The following PCDHGA1 variants were observed in gnomAD, a reference collection of about 807,000 sequenced individuals.
The protein encoded by PCDHGA1 is protocadherin gamma subfamily A, 1, also known as protocadherin gamma-A1.
PCDHGA1 carries 32 observed loss-of-function variants against 58.0 expected under a neutral mutation model. The ratio of observed to expected loss-of-function variants is 0.55; its 90% CI spans 0.42 to 0.74. PCDHGA1 has a LOEUF of 0.74. Among genes scored for constraint, PCDHGA1 ranks in the 30% least tolerant of loss-of-function variants. The pLI, the probability that PCDHGA1 is intolerant of heterozygous loss-of-function variation, is 0.00. For synonymous variants in PCDHGA1, 498 were observed against 501.1 expected (o/e 0.99, Z 0.08); for missense variants, 1,205 against 1,182.3 (o/e 1.02, Z -0.28).
intron 1 of PCDHGA1, chr5:141,388,988 A>G (rs756635794): frequency 6.2e-7 from 1 of 1,614,076 alleles, no homozygotes; most frequent in Non-Finnish European, 8.5e-7. Flanking sequence ...CTTTGCTCAA[A>G]GTCCGTGACA....
rs749995138 is a variant in PCDHGA1 at position 141,408,745 on chromosome 5, G to A, written c.2421+75640G>A. The A allele has an allele frequency of 3.7e-6, 6 of 1,609,862 alleles. No homozygotes were observed. In the African/African-American group the frequency reaches 4.0e-5, roughly 11 times the overall value. ...ACTCTAATCCTTATTTTTCATTAAT[G>A]GTTAGAGTTAATTCCGATGGTGGCA... On this transcript the variant is annotated intron_variant, in intron 1 of 3. Transcript: ENST00000517417.
rs1169303027 is a variant in PCDHGA1, at chr5:141,333,095, C to G, written c.2411C>G (p.Pro804Arg). The G allele has an allele frequency of 6.2e-7, 1 of 1,614,190 alleles. No individual in the cohort carries two copies. Among genetic ancestry groups the G allele is most frequent in the Admixed American group, 1.7e-5 (1 of 60,030 alleles). The change falls in exon 1 of 4, where the codon CCA becomes CGA. Residue 804 changes from proline (P) to arginine (R), a missense_variant. By Grantham distance (103) the Pro-to-Arg change is moderately radical (BLOSUM62 -2). Transcript: ENST00000517417. Reference sequence around the variant, plus strand: ...TCTTTACTTGAAGACAAAAAGGAACCATTTTCTCAGGTAAACTTTTGTGAT... The same window carrying G: ...TCTTTACTTGAAGACAAAAAGGAACGATTTTCTCAGGTAAACTTTTGTGAT... ...PQSLLEDKKE[P>R]FSQQAPPNTD... is the part of the protein sequence containing the mutation.
At chr5:141,419,152 G>A (rs2096335735) in intron 1 of PCDHGA1, 25 of 1,613,916 alleles carry the variant, frequency 1.5e-5, no homozygotes, top group East Asian at 4.5e-5. Context: ...GCAAGCCTCC[G>A]TTATCCTCCA....
chr5:141,421,524 G>A (rs375937711), intron 1 of PCDHGA1: 25 of 1,613,940 alleles, frequency 1.5e-5, no homozygotes, highest in Admixed American at 5.0e-5. Context: ...TCTGTGAGAC[G>A]GTGTCCTCCT....
intron 1 of PCDHGA1, chr5:141,418,363 C>T (rs147423305): frequency 4.4e-4 from 703 of 1,613,984 alleles, no homozygotes; most frequent in Non-Finnish European, 5.5e-4. Flanking sequence ...ATTCGCTGAG[C>T]AAATACCAAC....
chr5:141,375,963 G>T lies in PCDHGA1; in HGVS notation c.2421+42858G>T, dbSNP rs371650654. 16 of 1,613,262 alleles carry T rather than the reference G, an allele frequency of 9.9e-6. No homozygotes were observed. Among genetic ancestry groups the T allele is most frequent in the African/African-American group, 1.3e-5 (1 of 74,938 alleles). ...GTGGGCCTGCACACGGGCGAGGTGC[G>T]CACGGCGCGCGCCCTGCTGGACAGA... On this transcript the variant is annotated intron_variant, in intron 1 of 3. Coordinates refer to ENST00000517417, the MANE Select transcript of PCDHGA1 (RefSeq NM_018912.3).
In PCDHGA1 at chr5:141,357,372, G is replaced by A. The variant is rs1209797012; in HGVS notation, c.2421+24267G>A. On this transcript the variant is annotated intron_variant, in intron 1 of 3. Transcript: ENST00000517417. The stretch of plus-strand genomic sequence containing the variant: ...TGAGACGCTGGCACAAGTCACGCCT[G>A]CTTCACGCTGAAGGCAGCAGGTTGG... The A allele has an allele frequency of 3.7e-6, 6 of 1,614,086 alleles. No individual in the cohort carries two copies. The Admixed American group carries it at 8.3e-5, about 22-fold the overall frequency.
rs1193095881 is a variant in PCDHGA1 at position 141,490,273 on chromosome 5, G to T, written c.2422-4534G>T. On this transcript the variant is annotated intron_variant, in intron 1 of 3. Coordinates refer to ENST00000517417, the MANE Select transcript of PCDHGA1 (RefSeq NM_018912.3). This position sits in a 1 kb window ranked among gnomAD's most constrained non-coding sequence, Gnocchi z 5.4. ...TCAAGTGGATGTGGGGGATGTCAAT[G>T]ACAATGCCCCAGAGGTGCTATTGGC... 6.2e-7 allele frequency: 1 copy of T among 1,614,108 alleles called. No homozygotes were observed. The highest frequency in any genetic ancestry group is 8.5e-7 in the Non-Finnish European group (1 of 1,180,052).
chr5:141,366,553 G>A (rs1209299928), intron 1 of PCDHGA1: 1 of 1,614,252 alleles, frequency 6.2e-7, no homozygotes, highest in Non-Finnish European at 8.5e-7. Context: ...CGCACTTTGT[G>A]GGCGTGGATG....
intron 1 of PCDHGA1, among the ~76,000 whole-genome samples, chr5:141,459,544 T>G (rs772982634): frequency 6.6e-6 from 1 of 152,246 alleles, no homozygotes; most frequent in Non-Finnish European, 1.5e-5. Flanking sequence ...TTTTTTTTAT[T>G]TCTCTTGGAT....
chr5:141,355,534 G>A (rs1759890654), intron 1 of PCDHGA1: 2 of 1,613,944 alleles, frequency 1.2e-6, no homozygotes, highest in Non-Finnish European at 1.7e-6. Flanking sequence ...TCTTCTAGAA[G>A]ATACAGTGAA....
chr5:141,428,587 G>C (rs914718913), intron 1 of PCDHGA1: 6 of 226,650 alleles, frequency 2.6e-5, no homozygotes, highest in Non-Finnish European at 5.3e-5. Flanking sequence ...AGTTTCTCTG[G>C]TAGCAAGCTT....
intron 2 of PCDHGA1, among the ~76,000 whole-genome samples, chr5:141,500,894 C>CAG (rs10656935): frequency 0.58 from 88,074 of 150,994 alleles, 27,125 homozygotes; most frequent in African/African-American, 0.78. Flanking sequence ...TTTTTTGAGA[C>CAG]AGTCTCGCTC....
intron 1 of PCDHGA1, among the ~76,000 whole-genome samples, chr5:141,402,781 T>G (rs1456317365): frequency 1.3e-5 from 2 of 152,200 alleles, no homozygotes; most frequent in Non-Finnish European, 2.9e-5. Context: ...GATTTCCAGT[T>G]CTGCGGCTAC....
intron 1 of PCDHGA1, among the ~76,000 whole-genome samples, chr5:141,484,569 AGACT>A (rs1376518478): frequency 1.3e-5 from 2 of 152,106 alleles, no homozygotes; most frequent in African/African-American, 2.4e-5. Context: ...CAATACAATC[AGACT>A]GAGACGGAAG....
Position 141,486,230 on chromosome 5 carries a change from A to C in PCDHGA1, c.2422-8577A>C. On this transcript the variant is annotated intron_variant, in intron 1 of 3. Coordinates refer to ENST00000517417, the MANE Select transcript of PCDHGA1 (RefSeq NM_018912.3). The surrounding 1 kb of genome is among the most constrained non-coding windows in gnomAD (Gnocchi z 5.0). ...TGACAATGCCCCTTACATCACAGTGACCTCAGAGCTTGGAACCCTCCCCGA... is the reference window on the plus strand; with the variant it reads ...TGACAATGCCCCTTACATCACAGTGCCCTCAGAGCTTGGAACCCTCCCCGA... The C allele has an allele frequency of 6.2e-7, 1 of 1,614,016 alleles. No individual in the cohort carries two copies. Among genetic ancestry groups the C allele is most frequent in the Non-Finnish European group, 8.5e-7 (1 of 1,179,964 alleles).
intron 2 of PCDHGA1, among the ~76,000 whole-genome samples, chr5:141,498,872 G>T (rs912789877): frequency 1.4e-4 from 21 of 151,650 alleles, no homozygotes; most frequent in Non-Finnish European, 2.9e-4. Flanking sequence ...GGCGGAGGTT[G>T]CAGTGAGCTG....
In PCDHGA1 at chr5:141,356,620, A is replaced by G. The variant is rs369561232; in HGVS notation, c.2421+23515A>G. 4 of 1,614,026 alleles carry G rather than the reference A, an allele frequency of 2.5e-6. No individual in the cohort carries two copies. The African/African-American group carries it at 4.0e-5, about 16-fold the overall frequency. ...CCCCAGAGGAGCCTCCATCTTATCT[A>G]TGACTGCTCAAGACCCTGACAGTGG... On this transcript the variant is annotated intron_variant, in intron 1 of 3. Coordinates refer to ENST00000517417, the MANE Select transcript of PCDHGA1 (RefSeq NM_018912.3).
At chr5:141,437,497 T>A (rs2097889891) in intron 1 of PCDHGA1, among the ~76,000 whole-genome samples, 1 of 152,190 alleles carries the variant, frequency 6.6e-6, no homozygotes, top group Non-Finnish European at 1.5e-5. Flanking sequence ...TAGATCACTT[T>A]TCAATGAATT....
Sources: allele counts gnomAD v4.1 joint callset (sites outside exome capture counted in the v4.1 genomes callset), GRCh38; gene constraint gnomAD v4.1.1; non-coding constraint Gnocchi (gnomAD v3.1); transcripts MANE v1.5; gene names NCBI Gene and HGNC (gene_info 2026-07-23, HGNC 2026-07-21).